Variants in SSC4D observed in about 807,000 individuals in gnomAD.
The protein encoded by SSC4D is scavenger receptor cysteine-rich domain-containing group B protein.
Under a neutral mutation model 63.4 loss-of-function variants are expected in SSC4D, and 57 were observed. That is an observed-to-expected ratio of 0.90 (90% CI 0.73 to 1.12). SSC4D has a LOEUF of 1.12. Ranked by LOEUF, SSC4D falls within the 50% of genes most tolerant of loss-of-function variation. The pLI, the probability that SSC4D is intolerant of heterozygous loss-of-function variation, is 0.00. For missense variants in SSC4D, 791 were observed against 806.4 expected, an observed-to-expected ratio of 0.98 and a Z score of 0.23; for synonymous variants, 352 against 345.4, an observed-to-expected ratio of 1.02 and a Z score of -0.21.
At position 76,393,718 on chromosome 7, in the gene SSC4D, T is replaced by A; in HGVS notation, c.1022-2A>T. ...CGCCCACCAGTCGCAGCCGTCCACC[T>A]GCGGGGCGCACAGGCCCGCGGCCAG... is the stretch of plus-strand genomic sequence containing the variant. On this transcript the variant is annotated splice_acceptor_variant, in intron 8 of 10. Transcript: ENST00000275560. LOFTEE classifies it high-confidence loss of function. 7.2e-7 allele frequency: 1 copy of A among 1,389,734 alleles called. No homozygotes were observed. The highest frequency in any genetic ancestry group is 9.3e-7 in the Non-Finnish European group (1 of 1,078,436). 86.1% of individuals were successfully genotyped at this position (1,389,734 alleles called of 1,614,324 possible).
At position 76,409,414 on chromosome 7, in the gene SSC4D, CTGG is replaced by C. The variant is rs1440841396; in HGVS notation, c.-70_-68del. ...TCCAGCAAAAGTGAAGGATTCATAC[CTGG>C]GGGAATGTTCTGGGCTCTTTCTGTC... On this transcript the variant is annotated splice_region_variant and 5_prime_UTR_variant, in exon 1 of 11. Transcript: ENST00000275560. The C allele has an allele frequency of 2.0e-5, 3 of 152,466 alleles. No individual in the cohort carries two copies. Among genetic ancestry groups the C allele is most frequent in the Non-Finnish European group, 4.4e-5 (3 of 68,272 alleles). The allele number at this position is 152,466 out of a possible 1,614,324, so 9.4% of individuals were successfully genotyped here.
In SSC4D at chr7:76,404,506, C is replaced by G. The variant is rs886114438; in HGVS notation, c.-66-1G>C. 1.2e-6 allele frequency: 2 copies of G among 1,611,352 alleles called. No homozygotes were observed. Among genetic ancestry groups the G allele is most frequent in the Admixed American group, 3.3e-5 (2 of 59,912 alleles). On this transcript the variant is annotated splice_acceptor_variant, in intron 1 of 10. Transcript: ENST00000275560. LOFTEE classifies it low-confidence loss of function (5UTR_SPLICE). ...CAGGGAGAAGTCACAGTTGGAACATCTGAAATTAAAGATCCCAAATGTTGC... is the reference window on the plus strand; with the variant it reads ...CAGGGAGAAGTCACAGTTGGAACATGTGAAATTAAAGATCCCAAATGTTGC...
intron 1 of SSC4D, among the ~76,000 whole-genome samples, chr7:76,405,957 C>T (rs1378725811): frequency 1.4e-5 from 2 of 147,340 alleles, no homozygotes; most frequent in Non-Finnish European, 3.0e-5. Flanking sequence ...TTCCTTCCTT[C>T]CTTCCTTCTT....
chr7:76,407,762 C>G lies in SSC4D; in HGVS notation c.-67+1652G>C, dbSNP rs181051487. On this transcript the variant is annotated intron_variant, in intron 1 of 10. Coordinates refer to ENST00000275560, the MANE Select transcript of SSC4D (RefSeq NM_080744.2). ...TAAAAAGAAAAAAAAAGTGCATAAACCATGAGCTTAGAGCTCAAAGAGCAT... is the reference window on the plus strand; with the variant it reads ...TAAAAAGAAAAAAAAAGTGCATAAAGCATGAGCTTAGAGCTCAAAGAGCAT... Among the ~76,000 whole-genome samples, 100 of 152,246 alleles carry G rather than the reference C, an allele frequency of 6.6e-4. 1 individual carries two copies. Among genetic ancestry groups the G allele is most frequent in the Admixed American group, 6.3e-3 (96 of 15,274 alleles).
At chr7:76,392,876 A>C (rs1804523041) in intron 9 of SSC4D, among the ~76,000 whole-genome samples, 1 of 152,066 alleles carries the variant, frequency 6.6e-6, no homozygotes, top group Non-Finnish European at 1.5e-5. Context: ...AAACTATGGG[A>C]AGTAGGGCCT....
intron 3 of SSC4D, 87 bp from the exon 4 acceptor site, chr7:76,400,678 TA>T (rs1007465403): frequency 1.6e-5 from 21 of 1,343,382 alleles, no homozygotes; most frequent in Middle Eastern, 2.7e-4. Flanking sequence ...ATTTTATTAT[TA>T]TTTTTTTTGG....
chr7:76,389,673 A>C lies in SSC4D; in HGVS notation c.*386T>G. On this transcript the variant is annotated 3_prime_UTR_variant, in exon 11 of 11. Coordinates refer to ENST00000275560, the MANE Select transcript of SSC4D (RefSeq NM_080744.2). ...GGGGATCCCAAGATGGGTTGGGGGA[A>C]GAGGAGATACCCCATTTAAAGAGCC... The C allele has an allele frequency of 5.0e-6, 1 of 199,258 alleles. No homozygotes were observed. The allele number at this position is 199,258 out of a possible 1,614,324, so 12.3% of individuals were successfully genotyped here.
At chr7:76,396,196 G>A (rs1288332043) in intron 6 of SSC4D, among the ~76,000 whole-genome samples, 1 of 152,218 alleles carries the variant, frequency 6.6e-6, no homozygotes, top group East Asian at 1.9e-4. Flanking sequence ...GACTCAGGAG[G>A]TGGAGCTCAG....
chr7:76,397,679 A>G lies in SSC4D; in HGVS notation c.707T>C (p.Met236Thr), dbSNP rs775764139. 1 of 1,613,236 alleles carries G rather than the reference A, an allele frequency of 6.2e-7. No homozygotes were observed. The highest frequency in any genetic ancestry group is 8.5e-7 in the Non-Finnish European group (1 of 1,179,770). Residue 236 changes from methionine to threonine, a missense_variant, in exon 6 of 11, where the codon ATG (methionine) becomes ACG (threonine). By Grantham distance (81) the Met-to-Thr change is moderately conservative (BLOSUM62 -1). Transcript: ENST00000275560. ...GAAGAAGGCGTTGGTGGTGGCGGCC[A>G]TGGCCGCCCCGCAGCCCAGCTGACG... ...VCRQLGCGAA[M>T]AATTNAFFGY...
Position 76,397,543 on chromosome 7 carries a change from G to A in SSC4D, c.843C>T (p.His281=), listed in dbSNP as rs754019528. Residue 281 remains histidine, a synonymous_variant, in exon 6 of 11, where the codon CAC becomes CAT. Coordinates refer to ENST00000275560, the MANE Select transcript of SSC4D (RefSeq NM_080744.2). The part of the protein sequence containing the change: ...LGWGVHNCGH[H]EDAGALCAGL... ...CTGCGCAGAGCGCGCCCGCGTCCTC[G>A]TGGTGGCCGCAGTTGTGCACACCCC... 15 of 1,587,792 alleles carry A rather than the reference G, an allele frequency of 9.4e-6. No homozygotes were observed. Among genetic ancestry groups the A allele is most frequent in the Non-Finnish European group, 1.3e-5 (15 of 1,167,748 alleles).
intron 1 of SSC4D, among the ~76,000 whole-genome samples, chr7:76,405,308 TATATATATG>T (rs1804973194): frequency 1.6e-5 from 1 of 64,422 alleles, no homozygotes; most frequent in African/African-American, 7.0e-5. Context: ...TATATATATA[TATATATATG>T]TATTTTTTTC....
rs775088944 is a variant in SSC4D, at chr7:76,393,430, G to T, written c.1308C>A (p.His436Gln). Residue 436 changes from histidine to glutamine, a missense_variant, in exon 9 of 11, where the codon CAC (histidine) becomes CAA (glutamine). His to Gln is a conservative substitution (Grantham distance 24). Transcript: ENST00000275560. ...LGWGQHNCGH[H>Q]EDAGALCAGP... ...CTGCGCAGAGCGCTCCCGCGTCCTCGTGGTGGCCGCAGTTGTGCTGGCCCC... is the reference window on the plus strand; with the variant it reads ...CTGCGCAGAGCGCTCCCGCGTCCTCTTGGTGGCCGCAGTTGTGCTGGCCCC... 1.3e-6 allele frequency: 2 copies of T among 1,503,120 alleles called. No individual in the cohort carries two copies. Among genetic ancestry groups the T allele is most frequent in the Non-Finnish European group, 8.8e-7 (1 of 1,131,426 alleles). The allele number at this position is 1,503,120 out of a possible 1,614,324, so 93.1% of individuals were successfully genotyped here. A position where few individuals can be genotyped will look rare whatever the true frequency, so the allele number is the denominator to read the frequency against.
At chr7:76,395,952 C>G (rs1804628755) in intron 6 of SSC4D, among the ~76,000 whole-genome samples, 1 of 152,240 alleles carries the variant, frequency 6.6e-6, no homozygotes, top group South Asian at 2.1e-4. Flanking sequence ...ATCTCGGCCT[C>G]CCAAAGTGCT....
chr7:76,409,471 A>G lies in SSC4D; in HGVS notation c.-124T>C, dbSNP rs1281035037. 2 of 152,240 alleles carry G rather than the reference A, an allele frequency of 1.3e-5. No homozygotes were observed. The highest frequency in any genetic ancestry group is 2.9e-5 in the Non-Finnish European group (2 of 68,078). The allele number at this position is 152,240 out of a possible 1,614,324, so 9.4% of individuals were successfully genotyped here. A position where few individuals can be genotyped will look rare whatever the true frequency, so the allele number is the denominator to read the frequency against. On this transcript the variant is annotated 5_prime_UTR_variant, in exon 1 of 11. Transcript: ENST00000275560. ...TCTTCTACAGTCAATCCAAGATCGA[A>G]TCACTTTGTCTGCCCCTGGAAGTTT...
At chr7:76,407,044 T>A (rs919562903) in intron 1 of SSC4D, among the ~76,000 whole-genome samples, 1 of 152,150 alleles carries the variant, frequency 6.6e-6, no homozygotes, top group Non-Finnish European at 1.5e-5. Flanking sequence ...CACTGCAACC[T>A]CCACCTCCTG....
intron 9 of SSC4D, among the ~76,000 whole-genome samples, chr7:76,393,106 C>G (rs1390676132): frequency 6.6e-6 from 1 of 152,214 alleles, no homozygotes; most frequent in Non-Finnish European, 1.5e-5. Context: ...GGACTTGATG[C>G]CTTTCTCGAA....
Position 76,390,282 on chromosome 7 carries a change from C to A in SSC4D, c.1505G>T (p.Trp502Leu), listed in dbSNP as rs1477254007. ...CAGGACACCGGCTGCCCGCAGGTCCCAAGCATCATCACAGACAGTGCCCCA... is the reference window on the plus strand; with the variant it reads ...CAGGACACCGGCTGCCCGCAGGTCCAAAGCATCATCACAGACAGTGCCCCA... The part of the protein sequence containing the change: ...QRWGTVCDDA[W>L]DLRAAGVLCR... The change falls in exon 11 of 11, where the codon TGG (tryptophan) becomes TTG (leucine). Residue 502 changes from tryptophan to leucine, a missense_variant. Trp to Leu is a moderately conservative substitution (Grantham distance 61). Coordinates refer to ENST00000275560, the MANE Select transcript of SSC4D (RefSeq NM_080744.2). 1 of 1,614,012 alleles carries A rather than the reference C, an allele frequency of 6.2e-7. No individual in the cohort carries two copies. The highest frequency in any genetic ancestry group is 8.5e-7 in the Non-Finnish European group (1 of 1,179,958).
In SSC4D at chr7:76,390,039, G is replaced by A. The variant is rs780079082; in HGVS notation, c.*20C>T. 1.7e-5 allele frequency: 27 copies of A among 1,613,760 alleles called. No homozygotes were observed. Among genetic ancestry groups the A allele is most frequent in the Non-Finnish European group, 2.3e-5 (27 of 1,179,840 alleles). On this transcript the variant is annotated 3_prime_UTR_variant, in exon 11 of 11. Coordinates refer to ENST00000275560, the MANE Select transcript of SSC4D (RefSeq NM_080744.2). Reference sequence around the variant, plus strand: ...GGTCACAGCTCCCAGAAGAAGAGGTGGTCTGCAGAGCGGGCTGGGTCATGA... The same window carrying A: ...GGTCACAGCTCCCAGAAGAAGAGGTAGTCTGCAGAGCGGGCTGGGTCATGA...
chr7:76,396,431 G>T (rs1044977307), intron 6 of SSC4D, among the ~76,000 whole-genome samples: 4 of 152,150 alleles, frequency 2.6e-5, no homozygotes, highest in African/African-American at 9.7e-5. Context: ...ATAGAATTAC[G>T]ACTGCAGACC....
Sources: gnomAD v4.1 joint callset for allele counts (sites outside exome capture counted in the v4.1 genomes callset) on GRCh38, gnomAD v4.1.1 for gene constraint, MANE v1.5 for transcripts, NCBI Gene and HGNC (gene_info 2026-07-23, HGNC 2026-07-21) for gene names.